POMK: variants seen among roughly 807,000 people sequenced by gnomAD.
The protein encoded by POMK is protein O-mannose kinase.
In POMK, 19 loss-of-function variants were observed where a neutral mutation model predicts 23.0. The observed-to-expected ratio is 0.83, with a 90% confidence interval of 0.58 to 1.21. The LOEUF is 1.21. POMK is among the 50% of genes most tolerant of loss of function. The probability of loss-of-function intolerance (pLI) is 0.00; values close to 1 mark genes in which losing one functional copy is unlikely to be tolerated. For missense variants in POMK, 410 were observed against 431.3 expected, an observed-to-expected ratio of 0.95 and a Z score of 0.44; for synonymous variants, 173 against 171.6, an observed-to-expected ratio of 1.01 and a Z score of -0.06.
intron 4 of POMK, among the ~76,000 whole-genome samples, chr8:43,113,475 C>T (rs904494222): frequency 6.6e-6 from 1 of 152,148 alleles, no homozygotes; most frequent in Non-Finnish European, 1.5e-5. Context: ...CTCCTTTAAG[C>T]ACTTCTCTGT....
intron 4 of POMK, 77 bp downstream of exon 4, chr8:43,103,907 T>C: frequency 1.4e-6 from 2 of 1,422,194 alleles, no homozygotes; most frequent in Admixed American, 1.9e-5. Context: ...CCATCCATGC[T>C]GGCACGGATT....
intron 4 of POMK, 65 bp from the exon 5 acceptor site, chr8:43,122,042 G>C: frequency 6.8e-7 from 1 of 1,474,330 alleles, no homozygotes; most frequent in South Asian, 1.2e-5. Context: ...AAAGATATTT[G>C]TTGTTCTTTG....
chr8:43,113,619 C>G (rs1303173277), intron 4 of POMK, among the ~76,000 whole-genome samples: 1 of 152,244 alleles, frequency 6.6e-6, no homozygotes, highest in Non-Finnish European at 1.5e-5. Flanking sequence ...TCGTCAAAGT[C>G]ATTCTCCGTC....
intron 4 of POMK, among the ~76,000 whole-genome samples, chr8:43,106,655 G>A (rs916345464): frequency 1.1e-4 from 17 of 151,538 alleles, no homozygotes; most frequent in South Asian, 2.1e-4. Context: ...GATTACAGGC[G>A]CCCACCACCA....
At chr8:43,094,501 C>G (rs1395213279) in intron 1 of POMK, among the ~76,000 whole-genome samples, 1 of 152,082 alleles carries the variant, frequency 6.6e-6, no homozygotes, top group Non-Finnish European at 1.5e-5. Flanking sequence ...ATCATATTCT[C>G]TTTTTTTTAG....
At chr8:43,099,260 A>G (rs985507596) in intron 2 of POMK, among the ~76,000 whole-genome samples, 1 of 152,228 alleles carries the variant, frequency 6.6e-6, no homozygotes, top group African/African-American at 2.4e-5. Context: ...CCCTTTGCAC[A>G]TTTTTAAATT....
intron 4 of POMK, among the ~76,000 whole-genome samples, chr8:43,108,234 G>T (rs1018255948): frequency 2.6e-5 from 4 of 152,160 alleles, no homozygotes; most frequent in Non-Finnish European, 5.9e-5. Flanking sequence ...GACAAAGTAT[G>T]AGCTCAGTTT....
At chr8:43,099,415 G>A (rs887398735) in intron 2 of POMK, among the ~76,000 whole-genome samples, 2 of 152,230 alleles carry the variant, frequency 1.3e-5, no homozygotes, top group Non-Finnish European at 2.9e-5. Context: ...AAAGTCCTGA[G>A]TCTGGGTGAG....
At chr8:43,108,551 T>A (rs1158076702) in intron 4 of POMK, among the ~76,000 whole-genome samples, 2 of 152,230 alleles carry the variant, frequency 1.3e-5, no homozygotes, top group Non-Finnish European at 2.9e-5. Context: ...TTTCCCTGAC[T>A]CTGAAAAAGC....
chr8:43,102,246 A>G (rs1811459540), intron 2 of POMK, among the ~76,000 whole-genome samples: 1 of 152,206 alleles, frequency 6.6e-6, no homozygotes, highest in African/African-American at 2.4e-5. Flanking sequence ...CTGGGCACAT[A>G]GAAGCTGCTC....
intron 4 of POMK, among the ~76,000 whole-genome samples, chr8:43,119,114 C>T (rs530956360): frequency 1.3e-5 from 2 of 151,954 alleles, no homozygotes; most frequent in South Asian, 2.1e-4. Flanking sequence ...GCCGGCCCCC[C>T]ACTTATTGTT....
chr8:43,122,055 C>A, intron 4 of POMK, 52 bp from the exon 5 acceptor site: 3 of 1,542,220 alleles, frequency 1.9e-6, no homozygotes, highest in South Asian at 1.2e-5. Context: ...GTTCTTTGGT[C>A]ACTAAATTAG....
rs1238674123 is a variant in POMK at position 43,097,585 on chromosome 8, G to A, written c.-148G>A. 5 of 152,162 alleles carry A rather than the reference G, an allele frequency of 3.3e-5. No individual in the cohort carries two copies. Among genetic ancestry groups the A allele is most frequent in the African/African-American group, 4.8e-5 (2 of 41,424 alleles). The allele number at this position is 152,162 out of a possible 1,614,324, so 9.4% of individuals were successfully genotyped here. On this transcript the variant is annotated 5_prime_UTR_variant, in exon 2 of 5. Coordinates refer to ENST00000331373, the MANE Select transcript of POMK (RefSeq NM_032237.5). ...GACTGCAAGAGAGGAAAAACTGGGC[G>A]TCTGCTTGGGAATCTATTGTGGAAA...
intron 1 of POMK, among the ~76,000 whole-genome samples, chr8:43,095,790 A>G (rs1177598446): frequency 6.6e-6 from 1 of 152,162 alleles, no homozygotes; most frequent in Admixed American, 6.5e-5. Context: ...CCTTGCCCCA[A>G]CTTGTATAAG....
Position 43,103,662 on chromosome 8 carries a change from C to A in POMK, c.114C>A (p.Leu38=), listed in dbSNP as rs182189714. The A allele has an allele frequency of 1.2e-6, 2 of 1,614,048 alleles. No individual in the cohort carries two copies. Among genetic ancestry groups the A allele is most frequent in the African/African-American group, 2.7e-5 (2 of 74,998 alleles). Residue 38 remains leucine (L), a synonymous_variant, in exon 4 of 5, where the codon CTC becomes CTA. Coordinates refer to ENST00000331373, the MANE Select transcript of POMK (RefSeq NM_032237.5). ...TGAATACTCTGCTCTACCTCTGCCTCGACCACTTCTTCATCGCTCCTCGAC... is the reference window on the plus strand; with the variant it reads ...TGAATACTCTGCTCTACCTCTGCCTAGACCACTTCTTCATCGCTCCTCGAC... ...ALMNTLLYLC[L]DHFFIAPRQS...
chr8:43,122,026 C>T, intron 4 of POMK, 81 bp from the exon 5 acceptor site: 1 of 1,339,706 alleles, frequency 7.5e-7, no homozygotes, highest in Admixed American at 1.9e-5. Flanking sequence ...GAACACCTGC[C>T]ACTTAAAAGA....
At chr8:43,097,720 A>C (rs1239533156) in intron 2 of POMK, 105 bp downstream of exon 2, 1 of 152,180 alleles carries the variant, frequency 6.6e-6, no homozygotes, top group Non-Finnish European at 1.5e-5. Context: ...CATTGACTGC[A>C]TGTGGTAATC....
intron 4 of POMK, among the ~76,000 whole-genome samples, chr8:43,106,924 CAG>C (rs1330839135): frequency 2.0e-5 from 3 of 152,120 alleles, no homozygotes; most frequent in Non-Finnish European, 2.9e-5. Context: ...TTCATGCTGA[CAG>C]GGGGCATAGT....
chr8:43,096,109 T>G (rs1394936707), intron 1 of POMK, among the ~76,000 whole-genome samples: 1 of 152,158 alleles, frequency 6.6e-6, no homozygotes, highest in Non-Finnish European at 1.5e-5. Context: ...TGCCAGGCAC[T>G]GGGGTGCAGT....
Sources: gnomAD v4.1 joint callset for allele counts (sites outside exome capture counted in the v4.1 genomes callset) on GRCh38, gnomAD v4.1.1 for gene constraint, MANE v1.5 for transcripts, NCBI Gene and HGNC (gene_info 2026-07-23, HGNC 2026-07-21) for gene names.